The following LOC128706665 variants were observed in gnomAD, a reference collection of about 807,000 sequenced individuals.
the LOC128706665 span, among the ~76,000 whole-genome samples, chr20:10,427,287 C>A: frequency 1.3e-5 from 2 of 152,090 alleles, no homozygotes; most frequent in Admixed American, 1.3e-4. Context: ...GCTTGCTGGG[C>A]GCCATCTGCT....
chr20:10,432,222 A>G, the LOC128706665 span, among the ~76,000 whole-genome samples: 1 of 152,190 alleles, frequency 6.6e-6, no homozygotes, highest in Admixed American at 6.5e-5. Context: ...TTCCTGTGGG[A>G]CTGGTGGAGA....
chr20:10,422,349 C>G, the LOC128706665 span, among the ~76,000 whole-genome samples: 2 of 152,078 alleles, frequency 1.3e-5, no homozygotes, highest in Admixed American at 1.3e-4. Flanking sequence ...AGAGAATACA[C>G]CTTTTATTGA....
At chr20:10,432,342 A>C in the LOC128706665 span, among the ~76,000 whole-genome samples, 1 of 152,170 alleles carries the variant, frequency 6.6e-6, no homozygotes, top group Admixed American at 6.5e-5. Flanking sequence ...CCTGCCTCTA[A>C]ATCTCCTCAG....
the LOC128706665 span, among the ~76,000 whole-genome samples, chr20:10,428,609 A>G: frequency 6.6e-6 from 1 of 152,120 alleles, no homozygotes; most frequent in African/African-American, 2.4e-5. Context: ...GAGGCTGAGG[A>G]AGGTGGATCA....
the LOC128706665 span, among the ~76,000 whole-genome samples, chr20:10,426,198 C>T: frequency 6.6e-6 from 1 of 152,200 alleles, no homozygotes; most frequent in Admixed American, 6.5e-5. Context: ...TTAACTGTGG[C>T]ATTCAATTTA....
the LOC128706665 span, among the ~76,000 whole-genome samples, chr20:10,432,172 C>T: frequency 6.6e-6 from 1 of 152,214 alleles, no homozygotes; most frequent in African/African-American, 2.4e-5. Context: ...AAAAGCCTGG[C>T]CCTTCTCTTC....
At chr20:10,421,416 CAAAAA>C in the LOC128706665 span, among the ~76,000 whole-genome samples, 69 of 86,122 alleles carry the variant, frequency 8.0e-4, no homozygotes, top group African/African-American at 2.1e-3. Context: ...GACTCCATCA[CAAAAA>C]AAAAAAAAAA....
the LOC128706665 span, among the ~76,000 whole-genome samples, chr20:10,421,440 A>G: frequency 2.6e-5 from 4 of 151,474 alleles, no homozygotes; most frequent in African/African-American, 2.4e-5. Flanking sequence ...AAAAAATTAC[A>G]TTTAGTCACA....
At chr20:10,424,984 C>T in the LOC128706665 span, among the ~76,000 whole-genome samples, 4 of 150,486 alleles carry the variant, frequency 2.7e-5, no homozygotes, top group Non-Finnish European at 5.9e-5. Context: ...ACCTGGGAGG[C>T]GGAGGTTGCA....
chr20:10,415,740 T>C, the LOC128706665 span, among the ~76,000 whole-genome samples: 3 of 152,226 alleles, frequency 2.0e-5, no homozygotes, highest in African/African-American at 4.8e-5. Flanking sequence ...GTTTTTCTAG[T>C]TAGAACATTT....
the LOC128706665 span, among the ~76,000 whole-genome samples, chr20:10,431,176 C>A: frequency 6.6e-6 from 1 of 151,922 alleles, no homozygotes; most frequent in African/African-American, 2.4e-5. Flanking sequence ...AAATAGGCAC[C>A]CCTGGAGGTT....
At chr20:10,424,811 G>A in the LOC128706665 span, among the ~76,000 whole-genome samples, 5 of 152,040 alleles carry the variant, frequency 3.3e-5, no homozygotes, top group African/African-American at 1.2e-4. Flanking sequence ...CAGCACTTTG[G>A]GAGGCCGAGG....
chr20:10,429,586 T>C, the LOC128706665 span, among the ~76,000 whole-genome samples: 1 of 152,194 alleles, frequency 6.6e-6, no homozygotes, highest in Non-Finnish European at 1.5e-5. Flanking sequence ...GGATTTCCTG[T>C]TTCGTTAACA....
At chr20:10,425,754 C>A in the LOC128706665 span, among the ~76,000 whole-genome samples, 1 of 152,156 alleles carries the variant, frequency 6.6e-6, no homozygotes, top group Non-Finnish European at 1.5e-5. Flanking sequence ...GTTTGATGCT[C>A]ATTTATTGAA....
At chr20:10,430,617 T>C in the LOC128706665 span, among the ~76,000 whole-genome samples, 1 of 152,154 alleles carries the variant, frequency 6.6e-6, no homozygotes, top group South Asian at 2.1e-4. Context: ...AGAATAAAAA[T>C]ACCCAGTCTC....
At chr20:10,433,219 T>C in the LOC128706665 span, among the ~76,000 whole-genome samples, 4 of 152,236 alleles carry the variant, frequency 2.6e-5, no homozygotes, top group African/African-American at 9.6e-5. Flanking sequence ...TTGGCCTGGC[T>C]GGCCCCAAAC....
the LOC128706665 span, chr20:10,434,132 C>CCAGGCCGCCACAGGCCGCCA: frequency 2.0e-5 from 3 of 152,708 alleles, no homozygotes; most frequent in Admixed American, 2.0e-4. Flanking sequence ...TCGCGCCGCC[C>CCAGGCCGCCACAGGCCGCCA]CAGGCCGCCA....
the LOC128706665 span, among the ~76,000 whole-genome samples, chr20:10,424,714 T>A: frequency 6.6e-6 from 1 of 152,218 alleles, no homozygotes; most frequent in African/African-American, 2.4e-5. Flanking sequence ...ACAATTTAAA[T>A]TTAGCACTTT....
chr20:10,426,548 C>T, the LOC128706665 span, among the ~76,000 whole-genome samples: 10 of 152,208 alleles, frequency 6.6e-5, no homozygotes, highest in East Asian at 3.9e-4. Context: ...TACAGGCCCA[C>T]GCCACCATGC....
Sources: gnomAD v4.1 joint callset for allele counts (sites outside exome capture counted in the v4.1 genomes callset) on GRCh38, gnomAD v4.1.1 for gene constraint, MANE v1.5 for transcripts.